The following SPIRE1 variants were observed in gnomAD, a reference collection of about 807,000 sequenced individuals.
SPIRE1 encodes the protein spire type actin nucleation factor 1.
SPIRE1 carries 40 observed loss-of-function variants against 94.1 expected under a neutral mutation model. The ratio of observed to expected loss-of-function variants is 0.43; its 90% CI spans 0.33 to 0.55. The LOEUF (loss-of-function observed/expected upper bound fraction) is 0.55. Ranked by LOEUF, SPIRE1 falls within the 20% of genes least tolerant of loss-of-function variation. The probability of loss-of-function intolerance (pLI) is 0.06; values close to 1 mark genes in which losing one functional copy is unlikely to be tolerated. For synonymous variants in SPIRE1, 376 were observed against 371.7 expected, an observed-to-expected ratio of 1.01 and a Z score of -0.13; for missense variants, 838 against 975.2, an observed-to-expected ratio of 0.86 and a Z score of 1.87.
intron 5 of SPIRE1, among the ~76,000 whole-genome samples, chr18:12,510,442 G>A (rs2034000366): frequency 6.6e-6 from 1 of 151,882 alleles, no homozygotes; most frequent in African/African-American, 2.4e-5. Context: ...ATGGTCAAAA[G>A]CAACCCATTC....
chr18:12,583,627 T>G (rs1315753303), intron 2 of SPIRE1, among the ~76,000 whole-genome samples: 2 of 140,714 alleles, frequency 1.4e-5, no homozygotes, highest in African/African-American at 5.3e-5. Flanking sequence ...GAAGAAAAAA[T>G]TAAAAATAAA....
intron 2 of SPIRE1, among the ~76,000 whole-genome samples, chr18:12,552,568 G>GCC (rs1490717262): frequency 1.3e-5 from 2 of 152,054 alleles, no homozygotes; most frequent in African/African-American, 4.8e-5. Flanking sequence ...CAAGCAGACA[G>GCC]CCCGGCACCA....
At chr18:12,562,631 T>A (rs2035718790) in intron 2 of SPIRE1, among the ~76,000 whole-genome samples, 1 of 150,852 alleles carries the variant, frequency 6.6e-6, no homozygotes, top group Non-Finnish European at 1.5e-5. Context: ...CATTAGCTAT[T>A]TTTCCTGATG....
intron 3 of SPIRE1, among the ~76,000 whole-genome samples, chr18:12,539,338 C>CT (rs1250851106): frequency 2.0e-5 from 3 of 152,094 alleles, no homozygotes; most frequent in East Asian, 1.9e-4. Flanking sequence ...TGCACAAGCT[C>CT]TTTTTTGGCC....
chr18:12,647,409 A>G (rs1274946070), intron 1 of SPIRE1, among the ~76,000 whole-genome samples: 2 of 152,202 alleles, frequency 1.3e-5, no homozygotes, highest in Non-Finnish European at 2.9e-5. Context: ...CCAAATATCC[A>G]TCTAGAGTTT....
rs1357388908 is a variant in SPIRE1, at chr18:12,493,067, C to T, written c.1189+5G>A. Reference sequence around the variant, plus strand: ...TAGACTGAGTACAGGAAGCAGTGGACTCACCTAATCTGCTACGTCTAATCT... The same window carrying T: ...TAGACTGAGTACAGGAAGCAGTGGATTCACCTAATCTGCTACGTCTAATCT... On this transcript the variant is annotated splice_donor_5th_base_variant and intron_variant, in intron 8 of 16. Coordinates refer to ENST00000409402, the MANE Select transcript of SPIRE1 (RefSeq NM_001128626.2). The T allele has an allele frequency of 2.5e-6, 4 of 1,606,348 alleles. No individual in the cohort carries two copies. Among genetic ancestry groups the T allele is most frequent in the Middle Eastern group, 1.9e-4 (1 of 5,390 alleles).
Position 12,457,983 on chromosome 18 carries a change from G to A in SPIRE1, c.1639-3500C>T, listed in dbSNP as rs554692831. ...CCTCAGCCTCCTGAGTAGCTGGGAC[G>A]ACAGGCGCCCGCCACTGAGCCCAGC... On this transcript the variant is annotated intron_variant, in intron 12 of 16. Coordinates refer to ENST00000409402, the MANE Select transcript of SPIRE1 (RefSeq NM_001128626.2). Among the ~76,000 whole-genome samples, 548 of 151,172 alleles carry A rather than the reference G, an allele frequency of 3.6e-3. 4 individuals are homozygous for A. Among genetic ancestry groups the A allele is most frequent in the African/African-American group, 0.013 (534 of 41,296 alleles).
At chr18:12,540,920 G>A (rs2034995793) in intron 3 of SPIRE1, among the ~76,000 whole-genome samples, 1 of 152,314 alleles carries the variant, frequency 6.6e-6, no homozygotes, top group South Asian at 2.1e-4. Flanking sequence ...TGCCTGGGGT[G>A]TGAATCACCC....
intron 12 of SPIRE1, among the ~76,000 whole-genome samples, chr18:12,456,208 AG>A (rs1413830902): frequency 6.6e-6 from 1 of 152,222 alleles, no homozygotes. Flanking sequence ...CTCTTTCAAC[AG>A]GAACTACTTT....
chr18:12,500,949 G>GT (rs2033635208), intron 6 of SPIRE1, among the ~76,000 whole-genome samples: 1 of 151,612 alleles, frequency 6.6e-6, no homozygotes, highest in Non-Finnish European at 1.5e-5. Context: ...GTGCATGCCT[G>GT]TAAACCCAGC....
At chr18:12,537,764 G>C (rs1438849673) in intron 3 of SPIRE1, among the ~76,000 whole-genome samples, 1 of 152,046 alleles carries the variant, frequency 6.6e-6, no homozygotes, top group Non-Finnish European at 1.5e-5. Flanking sequence ...ATTTACAATT[G>C]CATCAAAAAT....
rs376588593 is a variant in SPIRE1, at chr18:12,485,296, G to A, written c.1231+663C>T. On this transcript the variant is annotated intron_variant, in intron 9 of 16. Transcript: ENST00000409402. ...ATTTTTTTGTATTTTTAGTAGAGAC[G>A]GGGTTTCACCGTGTTAGCCAGGATG... 1.4e-4 allele frequency among the ~76,000 whole-genome samples: 22 copies of A among 151,990 alleles called. No individual in the cohort carries two copies. In the East Asian group the frequency reaches 3.5e-3, roughly 24 times the overall value.
At chr18:12,581,857 G>C (rs12957283) in intron 2 of SPIRE1, among the ~76,000 whole-genome samples, 11,159 of 144,190 alleles carry the variant, frequency 0.077, 570 homozygotes, top group Non-Finnish European at 0.11. Context: ...GAATGAGACT[G>C]TTTAAAAAAA....
chr18:12,600,974 G>A (rs954533981), intron 2 of SPIRE1, among the ~76,000 whole-genome samples: 3 of 151,956 alleles, frequency 2.0e-5, no homozygotes, highest in South Asian at 2.1e-4. Context: ...CACCTGCCTC[G>A]GACTCCTAAA....
Position 12,479,879 on chromosome 18 carries a change from A to G in SPIRE1, c.1232-8T>C. The stretch of plus-strand genomic sequence containing the variant: ...ATTCAGGGGTAGTCACATCTGGTAA[A>G]AAAGCAAAAGCTTACCTTTTCTTGA... On this transcript the variant is annotated splice_region_variant and splice_polypyrimidine_tract_variant and intron_variant, in intron 9 of 16. Transcript: ENST00000409402. 1 of 1,609,900 alleles carries G rather than the reference A, an allele frequency of 6.2e-7. No homozygotes were observed.
At chr18:12,472,757 C>T (rs1279569485) in intron 10 of SPIRE1, among the ~76,000 whole-genome samples, 1 of 151,824 alleles carries the variant, frequency 6.6e-6, no homozygotes, top group East Asian at 1.9e-4. Context: ...AACTCCTGGG[C>T]TCAAGTGATC....
At chr18:12,643,386 A>G (rs1336225770) in intron 1 of SPIRE1, among the ~76,000 whole-genome samples, 1 of 152,254 alleles carries the variant, frequency 6.6e-6, no homozygotes, top group African/African-American at 2.4e-5. Flanking sequence ...ACAGAGTTCT[A>G]GCAGGTGACA....
At chr18:12,477,993 G>A (rs985528633) in intron 10 of SPIRE1, among the ~76,000 whole-genome samples, 1 of 152,066 alleles carries the variant, frequency 6.6e-6, no homozygotes, top group Non-Finnish European at 1.5e-5. Context: ...GACGGAATTT[G>A]GGGAGCCAAG....
At chr18:12,615,281 T>C (rs1410893736) in intron 2 of SPIRE1, among the ~76,000 whole-genome samples, 6 of 125,198 alleles carry the variant, frequency 4.8e-5, no homozygotes, top group Middle Eastern at 4.1e-3. Flanking sequence ...TGAGCCGAGA[T>C]TGGCCATTGC....
Sources: gnomAD v4.1 joint callset for allele counts (sites outside exome capture counted in the v4.1 genomes callset) on GRCh38, gnomAD v4.1.1 for gene constraint, MANE v1.5 for transcripts, NCBI Gene and HGNC (gene_info 2026-07-23, HGNC 2026-07-21) for gene names.